The following DTX1 variants were observed in gnomAD, a reference collection of about 807,000 sequenced individuals.
DTX1 encodes the protein E3 ubiquitin-protein ligase DTX1.
In DTX1, 26 loss-of-function variants were observed where a neutral mutation model predicts 57.8. That is an observed-to-expected ratio of 0.45 (90% CI 0.33 to 0.62). DTX1 has a LOEUF of 0.62. Among genes scored for constraint, DTX1 ranks in the 20% least tolerant of loss-of-function variants. DTX1 has a pLI of 0.02. For missense variants in DTX1, 704 were observed against 895.3 expected, an observed-to-expected ratio of 0.79 and a Z score of 2.73; for synonymous variants, 398 against 394.1, an observed-to-expected ratio of 1.01 and a Z score of -0.12.
chr12:113,096,216 C>A (rs77668235), intron 9 of DTX1, among the ~76,000 whole-genome samples: 1 of 144,700 alleles, frequency 6.9e-6, no homozygotes, highest in Non-Finnish European at 1.5e-5. Context: ...AAAAAAAAAA[C>A]AGGCAGGCCA....
At chr12:113,081,438 G>A (rs1257741242) in intron 3 of DTX1, among the ~76,000 whole-genome samples, 1 of 152,218 alleles carries the variant, frequency 6.6e-6, no homozygotes, top group Non-Finnish European at 1.5e-5. Context: ...TGCTGTGGGT[G>A]TGTATTCACA....
chr12:113,065,104 C>T (rs1343427954), intron 2 of DTX1, among the ~76,000 whole-genome samples: 1 of 152,118 alleles, frequency 6.6e-6, no homozygotes. Context: ...GCTGGGCTGC[C>T]AGCTGCTGCC....
At chr12:113,096,251 C>T (rs1442289380) in intron 9 of DTX1, among the ~76,000 whole-genome samples, 1 of 149,426 alleles carries the variant, frequency 6.7e-6, no homozygotes, top group Non-Finnish European at 1.5e-5. Context: ...CACCTGTAAT[C>T]CCTGCACTTG....
Position 113,094,128 on chromosome 12 carries a change from G to A in DTX1, c.1227+29G>A, listed in dbSNP as rs1272490028. On this transcript the variant is annotated intron_variant, in intron 6 of 9. Transcript: ENST00000548759. Reference sequence around the variant, plus strand: ...AGGAGGGGATGGGGGGGCTGGGGGAGGGCCCTGGCATGGAGGGGGCAGGAA... The same window carrying A: ...AGGAGGGGATGGGGGGGCTGGGGGAAGGCCCTGGCATGGAGGGGGCAGGAA... 4 of 1,426,812 alleles carry A rather than the reference G, an allele frequency of 2.8e-6. 1 individual carries two copies. In the Admixed American group the frequency reaches 5.9e-5, roughly 21 times the overall value. The allele number at this position is 1,426,812 out of a possible 1,614,324, so 88.4% of individuals were successfully genotyped here.
chr12:113,082,464 T>C (rs2044825761), intron 3 of DTX1, among the ~76,000 whole-genome samples: 1 of 152,122 alleles, frequency 6.6e-6, no homozygotes, highest in South Asian at 2.1e-4. Flanking sequence ...GAGGCCCAAG[T>C]GCAGCCTATG....
intron 2 of DTX1, among the ~76,000 whole-genome samples, chr12:113,073,131 C>T (rs2044748798): frequency 6.6e-6 from 1 of 152,154 alleles, no homozygotes; most frequent in Non-Finnish European, 1.5e-5. Flanking sequence ...CCCATTGCTT[C>T]CCTTCCTATC....
In DTX1 at chr12:113,073,567, C is replaced by T. The variant is rs537448250; in HGVS notation, c.260-3857C>T. On this transcript the variant is annotated intron_variant, in intron 2 of 9. Coordinates refer to ENST00000548759, the MANE Select transcript of DTX1 (RefSeq NM_004416.3). ...AACCCCGCCCCTTTCATATCAATAG[C>T]CATAGCTCCGTGCCTCGATTTCTCC... 7.2e-5 allele frequency among the ~76,000 whole-genome samples: 11 copies of T among 152,306 alleles called. No individual in the cohort carries two copies. The East Asian group carries it at 1.7e-3, about 24-fold the overall frequency.
intron 3 of DTX1, among the ~76,000 whole-genome samples, chr12:113,079,694 C>CTGTGTGTGTGTGTG (rs71086139): frequency 6.8e-5 from 9 of 132,384 alleles, no homozygotes; most frequent in South Asian, 2.6e-4. Flanking sequence ...TTCCCGGCTA[C>CTGTGTGTGTGTGTG]TGTGTGTGTG....
intron 2 of DTX1, among the ~76,000 whole-genome samples, chr12:113,074,972 G>T (rs1212016534): frequency 1.3e-5 from 2 of 152,198 alleles, no homozygotes; most frequent in Non-Finnish European, 2.9e-5. Context: ...GCAGAGCTGA[G>T]TTCAAGGTGC....
Position 113,095,425 on chromosome 12 carries a change from A to G in DTX1, c.1638+11A>G. On this transcript the variant is annotated intron_variant, in intron 9 of 9. Coordinates refer to ENST00000548759, the MANE Select transcript of DTX1 (RefSeq NM_004416.3). ...GAGAAAGGCCGGAAGGTGGGTGCCC[A>G]GCCGTGAGGGCATGGGAGATAGGCA... 2 of 1,614,136 alleles carry G rather than the reference A, an allele frequency of 1.2e-6. No individual in the cohort carries two copies. The highest frequency in any genetic ancestry group is 1.7e-6 in the Non-Finnish European group (2 of 1,180,042).
chr12:113,078,703 A>G (rs1317948914), intron 3 of DTX1, among the ~76,000 whole-genome samples: 1 of 152,158 alleles, frequency 6.6e-6, no homozygotes, highest in Admixed American at 6.5e-5. Flanking sequence ...GTGTTGTCTT[A>G]GGATTTTTAG....
chr12:113,058,019 C>A lies in DTX1; in HGVS notation c.-174C>A. ...GGGTCTTTGCAGCCTGGATGGCCAT[C>A]CCACATTCCTTTAACGGAGGTCTCT... On this transcript the variant is annotated 5_prime_UTR_variant, in exon 2 of 10. Coordinates refer to ENST00000548759, the MANE Select transcript of DTX1 (RefSeq NM_004416.3). 1 of 1,076,638 alleles carries A rather than the reference C, an allele frequency of 9.3e-7. No homozygotes were observed. The highest frequency in any genetic ancestry group is 1.3e-6 in the Non-Finnish European group (1 of 774,090). The allele number at this position is 1,076,638 out of a possible 1,614,324, so 66.7% of individuals were successfully genotyped here.
At chr12:113,065,732 G>C (rs1008448256) in intron 2 of DTX1, among the ~76,000 whole-genome samples, 8 of 152,102 alleles carry the variant, frequency 5.3e-5, no homozygotes, top group African/African-American at 1.7e-4. Flanking sequence ...GGAGTGAAGC[G>C]TGAGGGGTTG....
At chr12:113,095,829 C>T (rs1247504953) in intron 9 of DTX1, among the ~76,000 whole-genome samples, 1 of 152,188 alleles carries the variant, frequency 6.6e-6, no homozygotes, top group East Asian at 1.9e-4. Flanking sequence ...ATGTTAGTAA[C>T]TAATTTACAA....
intron 2 of DTX1, among the ~76,000 whole-genome samples, chr12:113,069,771 G>A (rs1432559697): frequency 2.6e-5 from 4 of 152,180 alleles, no homozygotes; most frequent in African/African-American, 9.7e-5. Context: ...TGTGAGGACT[G>A]GGAGATGATG....
intron 3 of DTX1, among the ~76,000 whole-genome samples, chr12:113,083,275 G>A (rs750159675): frequency 6.6e-6 from 1 of 152,030 alleles, no homozygotes; most frequent in Non-Finnish European, 1.5e-5. Context: ...GACTTCTTTG[G>A]GGCACAGTTC....
Position 113,097,860 on chromosome 12 carries a change from T to G in DTX1, c.*921T>G, listed in dbSNP as rs1281512351. Reference sequence around the variant, plus strand: ...GAGTGGGCAGTGGGGTGGCTAATTGTCTTCGGCCAACCAGGGGCCTGTTGC... The same window carrying G: ...GAGTGGGCAGTGGGGTGGCTAATTGGCTTCGGCCAACCAGGGGCCTGTTGC... On this transcript the variant is annotated 3_prime_UTR_variant, in exon 10 of 10. Coordinates refer to ENST00000548759, the MANE Select transcript of DTX1 (RefSeq NM_004416.3). The G allele has an allele frequency of 6.5e-6, 1 of 152,714 alleles. No homozygotes were observed. Among genetic ancestry groups the G allele is most frequent in the African/African-American group, 2.4e-5 (1 of 41,458 alleles). The allele number at this position is 152,714 out of a possible 1,614,324, so 9.5% of individuals were successfully genotyped here. A position where few individuals can be genotyped will look rare whatever the true frequency, so the allele number is the denominator to read the frequency against.
At chr12:113,096,035 G>A (rs930148294) in intron 9 of DTX1, among the ~76,000 whole-genome samples, 24 of 152,032 alleles carry the variant, frequency 1.6e-4, no homozygotes, top group Non-Finnish European at 2.8e-4. Flanking sequence ...GTGAAACCCC[G>A]TCTCTACTAA....
intron 3 of DTX1, among the ~76,000 whole-genome samples, chr12:113,081,301 C>T (rs1408640778): frequency 6.6e-6 from 1 of 152,102 alleles, no homozygotes; most frequent in Non-Finnish European, 1.5e-5. Context: ...TGCACTCCAG[C>T]CTGGGTAACA....
Sources: allele counts gnomAD v4.1 joint callset (sites outside exome capture counted in the v4.1 genomes callset), GRCh38; gene constraint gnomAD v4.1.1; transcripts MANE v1.5; gene names NCBI Gene and HGNC (gene_info 2026-07-23, HGNC 2026-07-21).